The following CSRNP3 variants were observed in gnomAD, a reference collection of about 807,000 sequenced individuals.
CSRNP3 encodes the protein cysteine and serine rich nuclear protein 3.
CSRNP3 carries 12 observed loss-of-function variants against 48.0 expected under a neutral mutation model. That is an observed-to-expected ratio of 0.25 (90% CI 0.16 to 0.41). CSRNP3 has a LOEUF of 0.41. Ranked by LOEUF, CSRNP3 falls within the 10% of genes least tolerant of loss-of-function variation. The probability of loss-of-function intolerance (pLI) is 1.00; values close to 1 mark genes in which losing one functional copy is unlikely to be tolerated. For missense variants in CSRNP3, 580 were observed against 724.4 expected (o/e 0.80, Z 2.29); for synonymous variants, 263 against 269.7 (o/e 0.98, Z 0.24).
At chr2:165,566,165 C>T (rs557395869) in intron 3 of CSRNP3, among the ~76,000 whole-genome samples, 3 of 151,620 alleles carry the variant, frequency 2.0e-5, no homozygotes, top group African/African-American at 4.8e-5. Context: ...CTCTAAGATG[C>T]GTTTCAAACA....
intron 3 of CSRNP3, among the ~76,000 whole-genome samples, chr2:165,534,532 A>G (rs1395532586): frequency 2.0e-5 from 3 of 151,950 alleles, no homozygotes; most frequent in East Asian, 3.8e-4. Flanking sequence ...AAGGACTCAT[A>G]CAGGTGCATA....
At chr2:165,609,221 C>T (rs997048813) in intron 4 of CSRNP3, among the ~76,000 whole-genome samples, 6 of 151,054 alleles carry the variant, frequency 4.0e-5, no homozygotes, top group African/African-American at 9.7e-5. Context: ...TTTGGGAGGC[C>T]GAGGCAGGAG....
chr2:165,677,939 A>G (rs1022292852), intron 6 of CSRNP3, among the ~76,000 whole-genome samples: 4 of 152,182 alleles, frequency 2.6e-5, no homozygotes, highest in African/African-American at 9.7e-5. Context: ...GATGAAACGT[A>G]CATGCCCTTC....
intron 5 of CSRNP3, among the ~76,000 whole-genome samples, chr2:165,670,866 T>A (rs796188270): frequency 6.6e-6 from 1 of 152,072 alleles, no homozygotes; most frequent in African/African-American, 2.4e-5. Context: ...GCAGACTTGC[T>A]TTGAGCTCTT....
intron 4 of CSRNP3, among the ~76,000 whole-genome samples, chr2:165,597,336 A>G (rs946312211): frequency 6.6e-6 from 1 of 152,216 alleles, no homozygotes; most frequent in Non-Finnish European, 1.5e-5. Context: ...AACATGTTAT[A>G]TATGAAAATT....
At chr2:165,483,230 A>C (rs1244817043) in intron 1 of CSRNP3, among the ~76,000 whole-genome samples, 1 of 152,116 alleles carries the variant, frequency 6.6e-6, no homozygotes, top group Non-Finnish European at 1.5e-5. Context: ...GCCTGGTAAC[A>C]ACACACATTT....
In CSRNP3 at chr2:165,540,115, G is replaced by C. The variant is rs149044824; in HGVS notation, c.-24+22154G>C. On this transcript the variant is annotated intron_variant, in intron 3 of 6. Coordinates refer to ENST00000651982, the MANE Select transcript of CSRNP3 (RefSeq NM_001172173.2). The stretch of plus-strand genomic sequence containing the variant: ...CCTATTACTATTCCTGGATAGCAGA[G>C]TGCATGTCTCACTGAGGCAAGGTGT... Among the ~76,000 whole-genome samples, 242 of 152,220 alleles carry C rather than the reference G, an allele frequency of 1.6e-3. 2 individuals are homozygous for C. The highest frequency in any genetic ancestry group is 5.6e-3 in the African/African-American group (232 of 41,564).
rs1339467729 is a variant in CSRNP3 at position 165,681,641 on chromosome 2, G to A, written c.*1888G>A. 1 of 148,788 alleles carries A rather than the reference G, an allele frequency of 6.7e-6. No homozygotes were observed. Among genetic ancestry groups the A allele is most frequent in the Non-Finnish European group, 1.5e-5 (1 of 67,438 alleles). 9.2% of individuals were successfully genotyped at this position (148,788 alleles called of 1,614,324 possible). A position where few individuals can be genotyped will look rare whatever the true frequency, so the allele number is the denominator to read the frequency against. ...CTTTGGGTTTGTCTTTATGTAGGTT[G>A]CAGTAATGAGAGCAGGGTTGTTCCT... On this transcript the variant is annotated 3_prime_UTR_variant, in exon 7 of 7. Coordinates refer to ENST00000651982, the MANE Select transcript of CSRNP3 (RefSeq NM_001172173.2).
At chr2:165,490,186 C>T (rs1377972955) in intron 1 of CSRNP3, among the ~76,000 whole-genome samples, 1 of 149,920 alleles carries the variant, frequency 6.7e-6, no homozygotes, top group Non-Finnish European at 1.5e-5. Flanking sequence ...CATGAGTGAA[C>T]TCCCATTCAC....
chr2:165,583,699 TGCCTTGC>T (rs1685583037), intron 3 of CSRNP3, among the ~76,000 whole-genome samples: 1 of 152,238 alleles, frequency 6.6e-6, no homozygotes, highest in African/African-American at 2.4e-5. Context: ...AATGGTCTCC[TGCCTTGC>T]ACTTCCCCGG....
At chr2:165,510,214 G>C (rs1299043866) in intron 2 of CSRNP3, among the ~76,000 whole-genome samples, 1 of 151,968 alleles carries the variant, frequency 6.6e-6, no homozygotes, top group Non-Finnish European at 1.5e-5. Flanking sequence ...CCCAACCCAG[G>C]TCACACTCAA....
At chr2:165,549,685 A>G (rs1685073791) in intron 3 of CSRNP3, among the ~76,000 whole-genome samples, 1 of 152,178 alleles carries the variant, frequency 6.6e-6, no homozygotes, top group Admixed American at 6.5e-5. Context: ...AAAATATGAC[A>G]CAATGTAGCA....
intron 3 of CSRNP3, chr2:165,574,178 T>C: frequency 2.0e-6 from 1 of 503,586 alleles, no homozygotes; most frequent in Non-Finnish European, 3.5e-6. Flanking sequence ...AGCATTCCGT[T>C]TCAGCTGCTG....
chr2:165,553,192 T>C (rs1012453105), intron 3 of CSRNP3, among the ~76,000 whole-genome samples: 1 of 152,168 alleles, frequency 6.6e-6, no homozygotes, highest in Non-Finnish European at 1.5e-5. Context: ...CCTCCTATCT[T>C]TCTAGCTCTC....
chr2:165,614,453 C>T (rs529190368), intron 4 of CSRNP3, among the ~76,000 whole-genome samples: 3 of 152,164 alleles, frequency 2.0e-5, no homozygotes, highest in Non-Finnish European at 4.4e-5. Context: ...ATCAAGACTT[C>T]TAGAACTATG....
At position 165,681,212 on chromosome 2, in the gene CSRNP3, T is replaced by C. The variant is rs1457027410; in HGVS notation, c.*1459T>C. 1 of 151,330 alleles carries C rather than the reference T, an allele frequency of 6.6e-6. No individual in the cohort carries two copies. The highest frequency in any genetic ancestry group is 1.5e-5 in the Non-Finnish European group (1 of 67,800). The allele number at this position is 151,330 out of a possible 1,614,324, so 9.4% of individuals were successfully genotyped here. ...GGTAACTAAATAGTGTAATTCTGCCTTTTTTTTTCCAATGCAATATGACTA... is the reference window on the plus strand; with the variant it reads ...GGTAACTAAATAGTGTAATTCTGCCCTTTTTTTTCCAATGCAATATGACTA... On this transcript the variant is annotated 3_prime_UTR_variant, in exon 7 of 7. Coordinates refer to ENST00000651982, the MANE Select transcript of CSRNP3 (RefSeq NM_001172173.2).
intron 2 of CSRNP3, among the ~76,000 whole-genome samples, chr2:165,510,700 T>C (rs1684489549): frequency 1.3e-5 from 2 of 152,196 alleles, no homozygotes; most frequent in Non-Finnish European, 2.9e-5. Flanking sequence ...TCTTCTGTCC[T>C]TTGTTCCTTA....
chr2:165,568,064 C>G (rs1685321041), intron 3 of CSRNP3, among the ~76,000 whole-genome samples: 1 of 152,028 alleles, frequency 6.6e-6, no homozygotes. Flanking sequence ...ACCAGTTTAT[C>G]TAAACAATTT....
In CSRNP3 at chr2:165,673,573, C is replaced by T. The variant is rs573858828; in HGVS notation, c.409-2739C>T. ...CTGAATCTGCAGTTCATATGACATA[C>T]AGTTGTTTGTTTTTTAATTCTTAGG... On this transcript the variant is annotated intron_variant, in intron 5 of 6. Transcript: ENST00000651982. Among the ~76,000 whole-genome samples the T allele has an allele frequency of 1.6e-4, 24 of 152,236 alleles. 1 individual carries two copies. The highest frequency in any genetic ancestry group is 5.3e-4 in the African/African-American group (22 of 41,542).
Sources: gnomAD v4.1 joint callset for allele counts (sites outside exome capture counted in the v4.1 genomes callset) on GRCh38, gnomAD v4.1.1 for gene constraint, MANE v1.5 for transcripts, NCBI Gene and HGNC (gene_info 2026-07-23, HGNC 2026-07-21) for gene names.